Variants in UPP2 observed in about 807,000 individuals in gnomAD.
The protein encoded by UPP2 is uridine phosphorylase 2.
UPP2 carries 23 observed loss-of-function variants against 26.7 expected under a neutral mutation model. That is an observed-to-expected ratio of 0.86 (90% CI 0.62 to 1.22). The LOEUF (loss-of-function observed/expected upper bound fraction) is 1.22, where lower values mean the gene tolerates loss of function less well. Among genes scored for constraint, UPP2 ranks in the 50% most tolerant of loss-of-function variants. The pLI, the probability that UPP2 is intolerant of heterozygous loss-of-function variation, is 0.00. For synonymous variants in UPP2, 127 were observed against 141.3 expected, an observed-to-expected ratio of 0.90 and a Z score of 0.72; for missense variants, 387 against 396.7, an observed-to-expected ratio of 0.98 and a Z score of 0.21.
intron 3 of UPP2, among the ~76,000 whole-genome samples, chr2:158,021,404 C>T (rs1030320915): frequency 1.3e-4 from 20 of 152,168 alleles, no homozygotes; most frequent in African/African-American, 3.9e-4. Context: ...AACAAAGAAG[C>T]GTGACAATCC....
chr2:158,088,338 AT>A (rs1682849734), intron 3 of UPP2, among the ~76,000 whole-genome samples: 1 of 151,976 alleles, frequency 6.6e-6, no homozygotes, highest in African/African-American at 2.4e-5. Flanking sequence ...AGAAGTAGTG[AT>A]TGTTTTTTAT....
intron 3 of UPP2, among the ~76,000 whole-genome samples, chr2:158,081,216 C>T (rs1682718746): frequency 6.6e-6 from 1 of 152,138 alleles, no homozygotes; most frequent in African/African-American, 2.4e-5. Context: ...TCAAGTTTTA[C>T]TGCTTAACAA....
chr2:158,055,209 G>A (rs889452939), intron 3 of UPP2, among the ~76,000 whole-genome samples: 1 of 152,306 alleles, frequency 6.6e-6, no homozygotes, highest in East Asian at 1.9e-4. Flanking sequence ...AGGCGGTGCA[G>A]GGTATCACAT....
At chr2:158,085,940 TC>T (rs1682807825) in intron 3 of UPP2, among the ~76,000 whole-genome samples, 1 of 152,094 alleles carries the variant, frequency 6.6e-6, no homozygotes, top group Non-Finnish European at 1.5e-5. Context: ...CTTTGTACGT[TC>T]ATCAGGGATA....
chr2:158,103,960 T>C (rs1305016372), intron 1 of UPP2, among the ~76,000 whole-genome samples: 2 of 152,236 alleles, frequency 1.3e-5, no homozygotes, highest in African/African-American at 4.8e-5. Context: ...ACTTTATTTT[T>C]GAAACTAGGT....
rs536357999 is a variant in UPP2 at position 158,019,784 on chromosome 2, A to G, written c.147+3898A>G. 2.0e-5 allele frequency among the ~76,000 whole-genome samples: 3 copies of G among 152,216 alleles called. No homozygotes were observed. The East Asian group carries it at 5.8e-4, about 29-fold the overall frequency. ...AATATCCTTGTAGCTTCCATTTTAC[A>G]TGTACATCAGTATATATATTTTTTA... is the stretch of plus-strand genomic sequence containing the variant. On this transcript the variant is annotated intron_variant, in intron 3 of 9. Coordinates refer to the UPP2 transcript ENST00000605860.
intron 3 of UPP2, among the ~76,000 whole-genome samples, chr2:158,035,043 C>A (rs899485958): frequency 2.0e-5 from 3 of 152,130 alleles, no homozygotes; most frequent in African/African-American, 7.2e-5. Flanking sequence ...CTTGCTACAT[C>A]CTCTTCTTTT....
At chr2:158,080,106 C>T (rs1682697457) in intron 3 of UPP2, among the ~76,000 whole-genome samples, 1 of 152,026 alleles carries the variant, frequency 6.6e-6, no homozygotes, top group South Asian at 2.1e-4. Context: ...AGCCACACAC[C>T]ATTTCATGCT....
At chr2:158,027,846 C>T (rs973530158) in intron 3 of UPP2, among the ~76,000 whole-genome samples, 1 of 152,214 alleles carries the variant, frequency 6.6e-6, no homozygotes, top group Non-Finnish European at 1.5e-5. Flanking sequence ...AGGCTCAACA[C>T]CATGTGGAAG....
At chr2:158,109,792 T>C (rs1370264285) in intron 2 of UPP2, among the ~76,000 whole-genome samples, 1 of 152,216 alleles carries the variant, frequency 6.6e-6, no homozygotes, top group Non-Finnish European at 1.5e-5. Context: ...AGACAATTAA[T>C]ACATACGGTG....
intron 6 of UPP2, 89 bp from the exon 7 acceptor site, chr2:158,134,659 T>C (rs879817149): frequency 5.8e-5 from 80 of 1,385,150 alleles, no homozygotes; most frequent in Admixed American, 2.1e-4. Flanking sequence ...CAAAAGTACA[T>C]GTGCTAGGGA....
At chr2:158,011,236 C>T (rs1294327698) in intron 2 of UPP2, among the ~76,000 whole-genome samples, 3 of 152,062 alleles carry the variant, frequency 2.0e-5, no homozygotes, top group African/African-American at 7.2e-5. Flanking sequence ...CAGAAGAATG[C>T]GAAGGTAATG....
chr2:158,133,305 G>A (rs1166227129), intron 6 of UPP2, among the ~76,000 whole-genome samples: 2 of 152,200 alleles, frequency 1.3e-5, no homozygotes, highest in African/African-American at 4.8e-5. Context: ...CTTATATGTG[G>A]AATCTAGAAA....
Position 158,121,462 on chromosome 2 carries a change from A to T in UPP2, c.508A>T (p.Lys170Ter). Reference sequence around the variant, plus strand: ...GGATATAGCTGTAGACTCCTTCTTTAAGCCCCGGTTTGAACAGGTCATTTT... The same window carrying T: ...GGATATAGCTGTAGACTCCTTCTTTTAGCCCCGGTTTGAACAGGTCATTTT... ...ITDIAVDSFF[K>*]PRFEQVILDN... The change falls in exon 5 of 7, where the codon AAG becomes TAG. Residue 170 changes from lysine to a stop codon, truncating the protein, a stop_gained. Coordinates refer to ENST00000005756, the MANE Select transcript of UPP2 (RefSeq NM_173355.4). LOFTEE classifies it high-confidence loss of function. 1.2e-6 allele frequency: 2 copies of T among 1,613,504 alleles called. No individual in the cohort carries two copies. The highest frequency in any genetic ancestry group is 1.7e-6 in the Non-Finnish European group (2 of 1,179,510).
intron 3 of UPP2, among the ~76,000 whole-genome samples, chr2:158,050,554 TTAG>T (rs1332296396): frequency 1.1e-5 from 1 of 93,854 alleles, no homozygotes; most frequent in Non-Finnish European, 2.8e-5. Context: ...TCCAAGCTAC[TTAG>T]GAGGCTGAGG....
intron 3 of UPP2, among the ~76,000 whole-genome samples, chr2:158,023,846 A>G (rs1261975851): frequency 6.6e-6 from 1 of 152,170 alleles, no homozygotes; most frequent in East Asian, 1.9e-4. Context: ...CCTATGTTCA[A>G]GCAGCAAACA....
Position 158,078,717 on chromosome 2 carries a change from T to C in UPP2, c.148-23323T>C, listed in dbSNP as rs531391740. On this transcript the variant is annotated intron_variant, in intron 3 of 9. Coordinates refer to the UPP2 transcript ENST00000605860. ...AGAAAGAATAAAGAAGACCTAGTAT[T>C]TGACAGCACAACAGGGTGAATATAA... Among the ~76,000 whole-genome samples the C allele has an allele frequency of 2.6e-5, 4 of 152,214 alleles. No homozygotes were observed. In the South Asian group the frequency reaches 8.3e-4, roughly 32 times the overall value.
rs1682242819 is a variant in UPP2 at position 158,056,209 on chromosome 2, T to G, written c.147+40323T>G. On this transcript the variant is annotated intron_variant, in intron 3 of 9. Coordinates refer to the UPP2 transcript ENST00000605860. ...AAAAAGGTTCTTTTAAAATATACTTTATTTTAAAAACAGTTTTCCATTGTT... is the reference window on the plus strand; with the variant it reads ...AAAAAGGTTCTTTTAAAATATACTTGATTTTAAAAACAGTTTTCCATTGTT... Among the ~76,000 whole-genome samples the G allele has an allele frequency of 2.0e-5, 3 of 152,202 alleles. No individual in the cohort carries two copies. The South Asian group carries it at 6.2e-4, about 31-fold the overall frequency.
At chr2:158,023,015 T>C (rs1345669158) in intron 3 of UPP2, among the ~76,000 whole-genome samples, 1 of 151,572 alleles carries the variant, frequency 6.6e-6, no homozygotes, top group Non-Finnish European at 1.5e-5. Context: ...AGAAGGATGA[T>C]CTGGGTGAAG....
Sources: gnomAD v4.1 joint callset for allele counts (sites outside exome capture counted in the v4.1 genomes callset) on GRCh38, gnomAD v4.1.1 for gene constraint, MANE v1.5 for transcripts, NCBI Gene and HGNC (gene_info 2026-07-23, HGNC 2026-07-21) for gene names.